Variants in ELAPOR1 observed in about 807,000 individuals in gnomAD.
ELAPOR1 encodes the protein endosome-lysosome associated apoptosis and autophagy regulator 1.
In ELAPOR1, 77 loss-of-function variants were observed where a neutral mutation model predicts 119.7. The observed-to-expected ratio is 0.64, with a 90% confidence interval of 0.54 to 0.78. The LOEUF is 0.78. Among genes scored for constraint, ELAPOR1 ranks in the 30% least tolerant of loss-of-function variants. The pLI is 0.00. For synonymous variants in ELAPOR1, 481 were observed against 487.2 expected (o/e 0.99, Z 0.17); for missense variants, 1,115 against 1,270.4 (o/e 0.88, Z 1.86).
At chr1:109,176,614 T>C (rs1652303857) in intron 7 of ELAPOR1, among the ~76,000 whole-genome samples, 1 of 149,644 alleles carries the variant, frequency 6.7e-6, no homozygotes, top group Non-Finnish European at 1.5e-5. Flanking sequence ...TTCTTTTTTT[T>C]TTTTTTTTTA....
At chr1:109,121,076 G>T (rs541248988) in intron 1 of ELAPOR1, among the ~76,000 whole-genome samples, 2 of 152,240 alleles carry the variant, frequency 1.3e-5, no homozygotes, top group South Asian at 4.1e-4. Context: ...TCCAGATTTG[G>T]TACAGTTTAC....
chr1:109,117,306 GT>G (rs1307470333), intron 1 of ELAPOR1, among the ~76,000 whole-genome samples: 1 of 152,174 alleles, frequency 6.6e-6, no homozygotes, highest in Non-Finnish European at 1.5e-5. Context: ...TTCATGAATC[GT>G]TTCTTTAGCC....
In ELAPOR1 at chr1:109,187,773, C is replaced by G. The variant is rs569377890; in HGVS notation, c.1042-404C>G. The G allele has an allele frequency of 3.8e-6, 3 of 795,696 alleles. No individual in the cohort carries two copies. The South Asian group carries it at 1.7e-4, about 46-fold the overall frequency. The allele number at this position is 795,696 out of a possible 1,614,324, so 49.3% of individuals were successfully genotyped here. On this transcript the variant is annotated intron_variant, in intron 8 of 21. Coordinates refer to ENST00000369939, the MANE Select transcript of ELAPOR1 (RefSeq NM_020775.5). ...ACATCTCAGCCACCCCCTCAGTCCC[C>G]GGGGGACATCTGAGCCACCTCCACC...
At chr1:109,125,765 A>G (rs764312400) in intron 1 of ELAPOR1, among the ~76,000 whole-genome samples, 3 of 152,232 alleles carry the variant, frequency 2.0e-5, no homozygotes, top group Non-Finnish European at 4.4e-5. Flanking sequence ...CTTCATACAT[A>G]AAAACACACA....
At chr1:109,134,345 C>T (rs1390619113) in intron 1 of ELAPOR1, among the ~76,000 whole-genome samples, 1 of 152,154 alleles carries the variant, frequency 6.6e-6, no homozygotes, top group African/African-American at 2.4e-5. Context: ...TGCAAAGCCT[C>T]ATAGGTTCTC....
intron 14 of ELAPOR1, 70 bp downstream of exon 14, chr1:109,192,944 T>TGGGTA: frequency 6.5e-7 from 1 of 1,542,104 alleles, no homozygotes; most frequent in South Asian, 1.2e-5. Flanking sequence ...TGCTGGGTCC[T>TGGGTA]GGGTAGGGTT....
At chr1:109,133,490 C>T (rs1259736708) in intron 1 of ELAPOR1, among the ~76,000 whole-genome samples, 1 of 152,084 alleles carries the variant, frequency 6.6e-6, no homozygotes, top group African/African-American at 2.4e-5. Context: ...AGACAAGCAA[C>T]ATTAGAGGAA....
intron 15 of ELAPOR1, among the ~76,000 whole-genome samples, chr1:109,194,823 G>A (rs1287517669): frequency 4.6e-5 from 7 of 152,168 alleles, no homozygotes; most frequent in South Asian, 2.1e-4. Context: ...TGTTCTTGCC[G>A]GGTGCCTGGT....
At chr1:109,138,062 T>C (rs541383038) in intron 1 of ELAPOR1, among the ~76,000 whole-genome samples, 1 of 152,316 alleles carries the variant, frequency 6.6e-6, no homozygotes, top group Admixed American at 6.5e-5. Flanking sequence ...AGTGGGAATC[T>C]CTTCTGAAAG....
chr1:109,205,854 T>G lies in ELAPOR1; in HGVS notation c.*2842T>G, dbSNP rs1201426610. ...CCTGAGTTACGCTACTGGGGTCACC[T>G]GTTGCTCCCCTAGCAAGTTAGGCAT... On this transcript the variant is annotated 3_prime_UTR_variant, in exon 22 of 22. Transcript: ENST00000369939. 2 of 152,350 alleles carry G rather than the reference T, an allele frequency of 1.3e-5. No individual in the cohort carries two copies. The highest frequency in any genetic ancestry group is 1.9e-4 in the East Asian group (1 of 5,188). The allele number at this position is 152,350 out of a possible 1,614,324, so 9.4% of individuals were successfully genotyped here.
intron 11 of ELAPOR1, 52 bp from the exon 12 acceptor site, chr1:109,191,314 C>A: frequency 7.7e-7 from 1 of 1,304,594 alleles, no homozygotes; most frequent in Non-Finnish European, 1.1e-6. Flanking sequence ...CTGGGCTCTT[C>A]AATAAGCACT....
intron 1 of ELAPOR1, among the ~76,000 whole-genome samples, chr1:109,143,034 C>G (rs894898614): frequency 4.6e-5 from 7 of 151,972 alleles, no homozygotes; most frequent in Admixed American, 3.9e-4. Context: ...ACTGCAACCT[C>G]CGGCTTCCGG....
At chr1:109,118,151 G>GAAAT (rs1191360054) in intron 1 of ELAPOR1, among the ~76,000 whole-genome samples, 1 of 151,722 alleles carries the variant, frequency 6.6e-6, no homozygotes, top group Non-Finnish European at 1.5e-5. Context: ...AAGAAAGAAA[G>GAAAT]AAAGAAAATT....
rs1570729025 is a variant in ELAPOR1 at position 109,197,079 on chromosome 1, A to C, written c.2122-395A>C. Reference sequence around the variant, plus strand: ...CACTCTGGGAGACTGAGGCAGGAAGATTGCTTGAGCCCAGGAGTTCAAGAC... The same window carrying C: ...CACTCTGGGAGACTGAGGCAGGAAGCTTGCTTGAGCCCAGGAGTTCAAGAC... On this transcript the variant is annotated intron_variant, in intron 15 of 21. Coordinates refer to ENST00000369939, the MANE Select transcript of ELAPOR1 (RefSeq NM_020775.5). 2.6e-5 allele frequency among the ~76,000 whole-genome samples: 4 copies of C among 151,110 alleles called. No homozygotes were observed. In the South Asian group the frequency reaches 8.4e-4, roughly 32 times the overall value.
chr1:109,144,058 TATA>T lies in ELAPOR1; in HGVS notation c.154-17835_154-17833del, dbSNP rs1462495401. Among the ~76,000 whole-genome samples the T allele has an allele frequency of 2.0e-3, 97 of 48,948 alleles. 1 individual carries two copies. Among genetic ancestry groups the T allele is most frequent in the African/African-American group, 5.4e-3 (95 of 17,502 alleles). 32.1% of individuals were successfully genotyped at this position (48,948 alleles called of 152,430 possible). A position where few individuals can be genotyped will look rare whatever the true frequency, so the allele number is the denominator to read the frequency against. On this transcript the variant is annotated intron_variant, in intron 1 of 21. Transcript: ENST00000369939. Reference sequence around the variant, plus strand: ...TTATATATATATATATATATATTTATATATTTTTTTTTTTTTTTGAGATGGAGT... The same window carrying T: ...TTATATATATATATATATATATTTATTTTTTTTTTTTTTTTGAGATGGAGT...
intron 7 of ELAPOR1, among the ~76,000 whole-genome samples, chr1:109,179,207 C>T (rs1258161113): frequency 6.6e-6 from 1 of 151,626 alleles, no homozygotes; most frequent in Non-Finnish European, 1.5e-5. Context: ...TTGAGACCAG[C>T]CTGGGCAACA....
At chr1:109,188,487 C>A in intron 9 of ELAPOR1, 133 bp downstream of exon 9, 2 of 978,902 alleles carry the variant, frequency 2.0e-6, no homozygotes, top group South Asian at 1.8e-5. Context: ...ACCAGGCCAC[C>A]TTTGAGGACT....
At chr1:109,181,788 ACTGTTT>A (rs1006088971) in intron 7 of ELAPOR1, among the ~76,000 whole-genome samples, 2 of 151,986 alleles carry the variant, frequency 1.3e-5, no homozygotes, top group African/African-American at 4.8e-5. Context: ...GAAGACCCCA[ACTGTTT>A]CTCAGCCAGT....
chr1:109,189,093 A>C lies in ELAPOR1; in HGVS notation c.1247A>C (p.Glu416Ala), dbSNP rs1653253824. ...SDCTRCPAGT[E>A]PAVGFEYKWW... The stretch of plus-strand genomic sequence containing the variant: ...TGTACCCGCTGCCCTGCAGGGACTG[A>C]ACCTGCTGTGGGATTTGAATACAAA... Residue 416 changes from glutamate to alanine, a missense_variant, in exon 10 of 22, where the codon GAA becomes GCA. Coordinates refer to ENST00000369939, the MANE Select transcript of ELAPOR1 (RefSeq NM_020775.5). The C allele has an allele frequency of 6.2e-7, 1 of 1,613,910 alleles. No homozygotes were observed. The highest frequency in any genetic ancestry group is 1.7e-5 in the Admixed American group (1 of 59,998).
Sources: gnomAD v4.1 joint callset for allele counts (sites outside exome capture counted in the v4.1 genomes callset) on GRCh38, gnomAD v4.1.1 for gene constraint, MANE v1.5 for transcripts, NCBI Gene and HGNC (gene_info 2026-07-23, HGNC 2026-07-21) for gene names.